Variants in ZNF841 observed in about 807,000 individuals in gnomAD.
ZNF841 encodes zinc finger protein 841, also known as TCONS_00006091.
Under a neutral mutation model 13.0 loss-of-function variants are expected in ZNF841, and 11 were observed. The ratio of observed to expected loss-of-function variants is 0.85; its 90% CI spans 0.53 to 1.40. ZNF841 has a LOEUF of 1.40. Among genes scored for constraint, ZNF841 ranks in the 40% most tolerant of loss-of-function variants. The pLI is 0.00. For missense variants in ZNF841, 1,068 were observed against 1,139.5 expected, an observed-to-expected ratio of 0.94 and a Z score of 0.90; for synonymous variants, 369 against 381.6, an observed-to-expected ratio of 0.97 and a Z score of 0.38.
rs773615110 is a variant in ZNF841, at chr19:52,066,032, C to T, written c.1850G>A (p.Arg617Gln). Residue 617 changes from arginine to glutamine, a missense_variant, in exon 7 of 7, where the codon CGA becomes CAA. Physicochemically the swap from Arg to Gln is conservative, Grantham distance 43. Transcript: ENST00000594440. ...IDSGNLSIHRRSHTGEKPFQC... is the reference protein window; with the variant it reads ...IDSGNLSIHRQSHTGEKPFQC... ...GAAAGGTTTCTCTCCGGTATGACTT[C>T]GCCTATGAATTGAAAGGTTTCCACT... is the stretch of plus-strand genomic sequence containing the variant. 12 of 1,613,780 alleles carry T rather than the reference C, an allele frequency of 7.4e-6. No individual in the cohort carries two copies. The highest frequency in any genetic ancestry group is 3.3e-5 in the South Asian group (3 of 91,068).
chr19:52,090,665 AAGAAAG>A (rs1217960353), intron 2 of ZNF841, among the ~76,000 whole-genome samples: 1 of 138,144 alleles, frequency 7.2e-6, no homozygotes, highest in Non-Finnish European at 1.6e-5. Context: ...GAAAGAAAGA[AAGAAAG>A]AAAGAAAGAA....
intron 5 of ZNF841, 196 bp downstream of exon 5, chr19:52,076,762 G>T: frequency 1.8e-6 from 1 of 551,262 alleles, no homozygotes; most frequent in Non-Finnish European, 3.1e-6. Flanking sequence ...CACCACTAAT[G>T]TACAAAGAAG....
downstream of ZNF841, among the ~76,000 whole-genome samples, chr19:52,063,129 C>T (rs1432023384): frequency 6.6e-6 from 1 of 152,114 alleles, no homozygotes; most frequent in Non-Finnish European, 1.5e-5. Context: ...CCTGCCTCGG[C>T]CTCCCAAAGT....
intron 3 of ZNF841, among the ~76,000 whole-genome samples, 169 bp downstream of exon 3, chr19:52,088,768 A>G (rs1232100753): frequency 1.3e-5 from 2 of 152,180 alleles, no homozygotes; most frequent in African/African-American, 4.8e-5. Flanking sequence ...CGCAGTAAAA[A>G]TTGATCTCTG....
intron 2 of ZNF841, among the ~76,000 whole-genome samples, chr19:52,090,654 G>GGAAGGAAGGAAGGAAGGAAA (rs1183196348): frequency 9.5e-5 from 8 of 84,644 alleles, no homozygotes; most frequent in African/African-American, 4.2e-4. Context: ...AAGGAAGGAA[G>GGAAGGAAGGAAGGAAGGAAA]GAAAGAAAGA....
At chr19:52,059,410 C>CACAG in the ZNF841 span, among the ~76,000 whole-genome samples, 3 of 121,164 alleles carry the variant, frequency 2.5e-5, no homozygotes, top group Admixed American at 8.8e-5. Flanking sequence ...CACACACACA[C>CACAG]AGAGAAATGA....
At chr19:52,094,281 G>C (rs1228375732) in intron 1 of ZNF841, among the ~76,000 whole-genome samples, 1 of 152,134 alleles carries the variant, frequency 6.6e-6, no homozygotes, top group South Asian at 2.1e-4. Context: ...TCAAATCAGA[G>C]TATAAAGCCA....
chr19:52,069,577 A>G (rs2087684051), intron 6 of ZNF841, among the ~76,000 whole-genome samples: 1 of 152,206 alleles, frequency 6.6e-6, no homozygotes, highest in Non-Finnish European at 1.5e-5. Flanking sequence ...CCCATCCTCA[A>G]TGTGATAGTA....
intron 4 of ZNF841, among the ~76,000 whole-genome samples, chr19:52,084,211 A>C (rs1362555715): frequency 6.6e-6 from 1 of 152,108 alleles, no homozygotes; most frequent in Admixed American, 6.5e-5. Flanking sequence ...TTGATTTCAT[A>C]TTTTAAAATC....
At chr19:52,075,760 C>T (rs927217825) in intron 6 of ZNF841, among the ~76,000 whole-genome samples, 1 of 152,156 alleles carries the variant, frequency 6.6e-6, no homozygotes, top group East Asian at 1.9e-4. Flanking sequence ...TGAAAAGGCC[C>T]TTCCCATGCC....
chr19:52,082,845 C>T (rs138245362), intron 4 of ZNF841, among the ~76,000 whole-genome samples: 20 of 152,264 alleles, frequency 1.3e-4, no homozygotes, highest in African/African-American at 4.8e-4. Flanking sequence ...CTTTGGGAGG[C>T]TGAGGCAGGC....
downstream of ZNF841, among the ~76,000 whole-genome samples, chr19:52,061,916 C>G (rs1252925638): frequency 6.6e-6 from 1 of 152,102 alleles, no homozygotes; most frequent in Admixed American, 6.5e-5. Context: ...GCCCCCTTAC[C>G]AAGTGCTCCT....
At position 52,066,759 on chromosome 19, in the gene ZNF841, A is replaced by G. The variant is rs2087582852; in HGVS notation, c.1123T>C (p.Cys375Arg). 1 of 1,613,378 alleles carries G rather than the reference A, an allele frequency of 6.2e-7. No individual in the cohort carries two copies. Among genetic ancestry groups the G allele is most frequent in the Non-Finnish European group, 8.5e-7 (1 of 1,179,596 alleles). Residue 375 changes from cysteine (C) to arginine (R), a missense_variant, in exon 7 of 7, where the codon TGT (cysteine) becomes CGT (arginine). Physicochemically the swap from Cys to Arg is radical, Grantham distance 180. Coordinates refer to ENST00000594440, the MANE Select transcript of ZNF841 (RefSeq NM_001136499.2). ...CTAAAGCACTTCCCACATCGATTAC[A>G]TTTGTAAGGTTTCTCTCCAGTATGA... ...RIHTGEKPYKCNRCGKCFSQS... is the reference protein window; with the variant it reads ...RIHTGEKPYKRNRCGKCFSQS...
downstream of ZNF841, among the ~76,000 whole-genome samples, chr19:52,061,231 A>G (rs2087391324): frequency 1.1e-4 from 16 of 152,164 alleles, no homozygotes; most frequent in Admixed American, 1.0e-3. Context: ...ACTTGGCTAC[A>G]TCCTCAACCA....
chr19:52,064,027 CCT>C (rs2087449845), downstream of ZNF841, among the ~76,000 whole-genome samples: 1 of 152,116 alleles, frequency 6.6e-6, no homozygotes, highest in South Asian at 2.1e-4. Flanking sequence ...TATTCTTATG[CCT>C]AGTGAACACT....
chr19:52,073,644 G>C (rs2087806432), intron 6 of ZNF841, among the ~76,000 whole-genome samples: 1 of 152,090 alleles, frequency 6.6e-6, no homozygotes, highest in African/African-American at 2.4e-5. Context: ...ATTCTTCATT[G>C]CTTGAGCATC....
chr19:52,060,432 G>C (rs542878200), downstream of ZNF841, among the ~76,000 whole-genome samples: 1 of 152,168 alleles, frequency 6.6e-6, no homozygotes, highest in East Asian at 1.9e-4. Flanking sequence ...AAACTGGAAG[G>C]TTTCCGTGTG....
chr19:52,081,590 C>G (rs1311687934), intron 4 of ZNF841, among the ~76,000 whole-genome samples: 2 of 152,246 alleles, frequency 1.3e-5, no homozygotes, highest in Non-Finnish European at 2.9e-5. Context: ...CCGTGGCTCA[C>G]GCCTGTAATT....
intron 6 of ZNF841, among the ~76,000 whole-genome samples, chr19:52,069,370 C>T (rs76768215): frequency 0.15 from 22,682 of 152,152 alleles, 2,180 homozygotes; most frequent in East Asian, 0.38. Flanking sequence ...CCACCGTGCC[C>T]AGTCCTATTC....
Sources: gnomAD v4.1 joint callset for allele counts (sites outside exome capture counted in the v4.1 genomes callset) on GRCh38, gnomAD v4.1.1 for gene constraint, MANE v1.5 for transcripts, NCBI Gene and HGNC (gene_info 2026-07-23, HGNC 2026-07-21) for gene names.